CILK1: variants seen among roughly 807,000 people sequenced by gnomAD.
CILK1 encodes the protein serine/threonine-protein kinase ICK.
In CILK1, 47 loss-of-function variants were observed where a neutral mutation model predicts 79.2. The ratio of observed to expected loss-of-function variants is 0.59; its 90% CI spans 0.47 to 0.76. The LOEUF (loss-of-function observed/expected upper bound fraction) is 0.76, where lower values mean the gene tolerates loss of function less well. CILK1 is among the 30% of genes least tolerant of loss of function. The pLI is 0.00. For missense variants in CILK1, 660 were observed against 769.5 expected (o/e 0.86, Z 1.68); for synonymous variants, 266 against 275.9 (o/e 0.96, Z 0.36).
In CILK1 at chr6:53,032,513, T is replaced by C. The variant is rs1445271946; in HGVS notation, c.278+20A>G. ...TTGCCTATTTATTTCTATAATAAGA[T>C]AATGATGACCAAACTGTACCTCTCT... On this transcript the variant is annotated intron_variant, in intron 4 of 13. Transcript: ENST00000676107. The C allele has an allele frequency of 1.9e-6, 3 of 1,549,156 alleles. No individual in the cohort carries two copies.
intron 7 of CILK1, among the ~76,000 whole-genome samples, chr6:53,017,885 GA>G (rs1201085612): frequency 6.6e-6 from 1 of 152,200 alleles, no homozygotes; most frequent in Non-Finnish European, 1.5e-5. Flanking sequence ...AATGGAGAAT[GA>G]AAGAAGGAAG....
chr6:53,025,176 T>C (rs1476433689), intron 5 of CILK1, among the ~76,000 whole-genome samples: 1 of 152,184 alleles, frequency 6.6e-6, no homozygotes, highest in Non-Finnish European at 1.5e-5. Context: ...CTCTCAAGTC[T>C]AGATTAATGC....
At chr6:53,039,542 T>C (rs1235410503) in intron 2 of CILK1, among the ~76,000 whole-genome samples, 1 of 152,162 alleles carries the variant, frequency 6.6e-6, no homozygotes, top group Non-Finnish European at 1.5e-5. Context: ...AGTAAGCCAA[T>C]AACAGGGTTG....
chr6:53,015,424 C>T (rs747120505), intron 8 of CILK1, among the ~76,000 whole-genome samples: 76 of 152,172 alleles, frequency 5.0e-4, no homozygotes, highest in Non-Finnish European at 4.4e-5. Flanking sequence ...CTTCATACTT[C>T]CGGTCAGTTG....
rs1359287800 is a variant in CILK1 at position 53,041,251 on chromosome 6, G to A, written c.-15C>T. 6.3e-7 allele frequency: 1 copy of A among 1,588,086 alleles called. No individual in the cohort carries two copies. The highest frequency in any genetic ancestry group is 1.3e-5 in the African/African-American group (1 of 74,366). On this transcript the variant is annotated 5_prime_UTR_variant, in exon 2 of 14. Transcript: ENST00000676107. ...TATCTATTCATGGTGTGCCTGCTCA[G>A]GCCGGACACTCATCTCACGGCCGAA... is the stretch of plus-strand genomic sequence containing the variant.
chr6:53,012,019 T>A lies in CILK1; in HGVS notation c.1343+18A>T. On this transcript the variant is annotated intron_variant, in intron 10 of 13. Transcript: ENST00000676107. ...ATTCCAGATTCAGTCTGTTTACAAA[T>A]GTGAGCAGCACACTTGCCTGCAGAG... 1.2e-6 allele frequency: 2 copies of A among 1,614,170 alleles called. No individual in the cohort carries two copies. Among genetic ancestry groups the A allele is most frequent in the Non-Finnish European group, 1.7e-6 (2 of 1,179,992 alleles).
At chr6:53,045,935 C>G (rs978383156) in intron 1 of CILK1, among the ~76,000 whole-genome samples, 3 of 151,432 alleles carry the variant, frequency 2.0e-5, no homozygotes, top group Non-Finnish European at 4.4e-5. Context: ...AGTTTTGTAA[C>G]TAGGGACTAA....
At chr6:53,043,530 G>A (rs1049322649) in intron 1 of CILK1, among the ~76,000 whole-genome samples, 1 of 151,974 alleles carries the variant, frequency 6.6e-6, no homozygotes, top group African/African-American at 2.4e-5. Flanking sequence ...CCACTGTAAG[G>A]CCTCTGGTTG....
At chr6:53,039,310 G>A (rs1006568482) in intron 2 of CILK1, among the ~76,000 whole-genome samples, 2 of 152,228 alleles carry the variant, frequency 1.3e-5, no homozygotes, top group East Asian at 1.9e-4. Flanking sequence ...CAGTGGCTCA[G>A]CCAAATGATG....
intron 5 of CILK1, among the ~76,000 whole-genome samples, chr6:53,025,191 T>C (rs1490668989): frequency 6.6e-5 from 10 of 152,192 alleles, no homozygotes; most frequent in Admixed American, 5.9e-4. Context: ...TAATGCTATT[T>C]CCCCTCATAG....
intron 9 of CILK1, among the ~76,000 whole-genome samples, chr6:53,012,550 G>A (rs754162784): frequency 1.3e-5 from 2 of 152,148 alleles, no homozygotes; most frequent in Non-Finnish European, 2.9e-5. Context: ...TATGATCTCT[G>A]TTATAAATAT....
intron 1 of CILK1, chr6:53,054,460 T>A (rs1441899983): frequency 6.6e-6 from 1 of 152,268 alleles, no homozygotes; most frequent in Non-Finnish European, 1.5e-5. Context: ...CTTGGCTAAG[T>A]ACCTCAAAAT....
intron 12 of CILK1, among the ~76,000 whole-genome samples, chr6:53,007,966 TAAATAAAATAAAATA>T (rs571989940): frequency 6.7e-6 from 1 of 150,082 alleles, no homozygotes; most frequent in African/African-American, 2.4e-5. Context: ...TAAAAATAAA[TAAATAAAATAAAATA>T]AAATAAAATA....
At chr6:53,056,274 A>C (rs1767864326) in intron 1 of CILK1, among the ~76,000 whole-genome samples, 1 of 152,234 alleles carries the variant, frequency 6.6e-6, no homozygotes, top group African/African-American at 2.4e-5. Context: ...AAAAATCAAA[A>C]TGAATTAAAG....
intron 5 of CILK1, among the ~76,000 whole-genome samples, chr6:53,028,146 CAAAAA>C (rs59053012): frequency 4.7e-5 from 3 of 63,486 alleles, no homozygotes; most frequent in African/African-American, 1.1e-4. Flanking sequence ...GACTCCGTCT[CAAAAA>C]AAAAAAAAAA....
At chr6:53,021,360 T>C (rs1452998356) in intron 5 of CILK1, among the ~76,000 whole-genome samples, 1 of 152,006 alleles carries the variant, frequency 6.6e-6, no homozygotes, top group Non-Finnish European at 1.5e-5. Context: ...GTAAATCTCA[T>C]ATCTGTCTCT....
In CILK1 at chr6:53,003,867, C is replaced by G. The variant is rs1173364926; in HGVS notation, c.*1282G>C. 1.3e-5 allele frequency: 2 copies of G among 152,636 alleles called. No homozygotes were observed. The highest frequency in any genetic ancestry group is 4.8e-5 in the African/African-American group (2 of 41,438). 9.5% of individuals were successfully genotyped at this position (152,636 alleles called of 1,614,324 possible). On this transcript the variant is annotated 3_prime_UTR_variant, in exon 14 of 14. Transcript: ENST00000676107. ...TTGCGTTCACTGATGGTGACCTTCC[C>G]TCTTGCCTTTAAGGCAACCATAAGT...
At chr6:53,015,737 C>T (rs1764853058) in intron 8 of CILK1, among the ~76,000 whole-genome samples, 2 of 152,098 alleles carry the variant, frequency 1.3e-5, no homozygotes, top group Admixed American at 6.6e-5. Context: ...CAACCAGTAC[C>T]GGCTTATAAA....
chr6:53,023,154 C>T (rs1765355693), intron 5 of CILK1, among the ~76,000 whole-genome samples: 1 of 151,984 alleles, frequency 6.6e-6, no homozygotes, highest in Admixed American at 6.6e-5. Context: ...AGGGTGGTCT[C>T]GATCCCCTGA....
Sources: allele counts gnomAD v4.1 joint callset (sites outside exome capture counted in the v4.1 genomes callset), GRCh38; gene constraint gnomAD v4.1.1; transcripts MANE v1.5; gene names NCBI Gene and HGNC (gene_info 2026-07-23, HGNC 2026-07-21).